The following ANKS1B variants were observed in gnomAD, a reference collection of about 807,000 sequenced individuals.
The protein encoded by ANKS1B is ankyrin repeat and sterile alpha motif domain containing 1B.
A neutral mutation model predicts 148.3 loss-of-function variants in ANKS1B; 36 were observed. The observed-to-expected ratio is 0.24, with a 90% CI of 0.19 to 0.32. The LOEUF is 0.32. Ranked by LOEUF, ANKS1B falls within the 10% of genes least tolerant of loss-of-function variation. ANKS1B has a pLI of 1.00. For missense variants in ANKS1B, 1,157 were observed against 1,542.6 expected (o/e 0.75, Z 4.19); for synonymous variants, 542 against 560.8 (o/e 0.97, Z 0.47).
chr12:99,205,495 G>A (rs1377010814), intron 14 of ANKS1B, among the ~76,000 whole-genome samples: 1 of 152,160 alleles, frequency 6.6e-6, no homozygotes, highest in Admixed American at 6.5e-5. Flanking sequence ...GGACCCAAAT[G>A]ACACTGCTGA....
At chr12:99,366,751 G>A (rs1026755026) in intron 12 of ANKS1B, among the ~76,000 whole-genome samples, 10 of 152,060 alleles carry the variant, frequency 6.6e-5, no homozygotes, top group African/African-American at 2.2e-4. Flanking sequence ...GGAAAACACA[G>A]TGAAATCCCT....
At chr12:99,473,243 T>A (rs542798415) in intron 10 of ANKS1B, among the ~76,000 whole-genome samples, 3 of 152,186 alleles carry the variant, frequency 2.0e-5, no homozygotes, top group South Asian at 4.1e-4. Context: ...GACTCCTTTT[T>A]TTCATTTAAC....
intron 12 of ANKS1B, among the ~76,000 whole-genome samples, chr12:99,278,366 C>A (rs935327988): frequency 6.6e-5 from 10 of 152,204 alleles, no homozygotes; most frequent in African/African-American, 2.2e-4. Flanking sequence ...GTGTCCAGGT[C>A]CCATCATTTG....
chr12:98,820,430 A>C (rs1017237872), intron 19 of ANKS1B, among the ~76,000 whole-genome samples: 2 of 152,326 alleles, frequency 1.3e-5, no homozygotes, highest in South Asian at 4.1e-4. Flanking sequence ...TTCCCTAAAA[A>C]ACTGGAGACC....
chr12:98,997,255 G>A (rs1199287981), intron 17 of ANKS1B, among the ~76,000 whole-genome samples: 1 of 152,092 alleles, frequency 6.6e-6, no homozygotes, highest in Non-Finnish European at 1.5e-5. Flanking sequence ...CCAGGATTGG[G>A]CAGGTAGAAG....
intron 1 of ANKS1B, among the ~76,000 whole-genome samples, chr12:99,980,155 TG>T (rs1475323482): frequency 1.3e-5 from 2 of 151,032 alleles, no homozygotes; most frequent in African/African-American, 4.9e-5. Flanking sequence ...CACAGGTCAT[TG>T]AAAAAAAAAA....
At chr12:98,797,408 A>G (rs1185035952) in intron 22 of ANKS1B, among the ~76,000 whole-genome samples, 1 of 152,192 alleles carries the variant, frequency 6.6e-6, no homozygotes, top group African/African-American at 2.4e-5. Flanking sequence ...TTCGTCTGTA[A>G]AATGGGGACA....
chr12:98,836,112 C>T (rs1237817983), intron 17 of ANKS1B, among the ~76,000 whole-genome samples: 1 of 152,174 alleles, frequency 6.6e-6, no homozygotes, highest in Non-Finnish European at 1.5e-5. Flanking sequence ...CCCTTCACTA[C>T]TCTCCTTGCT....
intron 9 of ANKS1B, chr12:99,649,159 T>G: frequency 1.3e-6 from 1 of 756,010 alleles, no homozygotes; most frequent in Non-Finnish European, 2.3e-6. Context: ...CAATTGCCAC[T>G]TATATACATT....
At chr12:99,170,495 C>T (rs182288225) in intron 14 of ANKS1B, among the ~76,000 whole-genome samples, 9 of 152,210 alleles carry the variant, frequency 5.9e-5, no homozygotes, top group African/African-American at 1.9e-4. Flanking sequence ...TGAAATAGCA[C>T]GTGAAAAAAG....
chr12:99,850,281 G>GTCTCTCCCTC (rs57015094), intron 1 of ANKS1B, among the ~76,000 whole-genome samples: 4,295 of 114,186 alleles, frequency 0.038, 350 homozygotes, highest in African/African-American at 0.089. Flanking sequence ...AAGCAAGAAA[G>GTCTCTCCCTC]TCTCTCTCTC....
At chr12:99,015,445 C>T (rs1476182517) in intron 17 of ANKS1B, among the ~76,000 whole-genome samples, 1 of 152,114 alleles carries the variant, frequency 6.6e-6, no homozygotes, top group Non-Finnish European at 1.5e-5. Flanking sequence ...ATGAAATAAT[C>T]TGTATGATAA....
At chr12:98,820,946 G>A (rs2099184189) in intron 19 of ANKS1B, among the ~76,000 whole-genome samples, 1 of 152,232 alleles carries the variant, frequency 6.6e-6, no homozygotes, top group Admixed American at 6.5e-5. Context: ...AAAGCATAAT[G>A]TAGAAGAAAA....
Position 99,426,293 on chromosome 12 carries a change from T to C in ANKS1B, c.1575+17380A>G, listed in dbSNP as rs2095253331. Among the ~76,000 whole-genome samples, 4 of 152,284 alleles carry C rather than the reference T, an allele frequency of 2.6e-5. 1 individual carries two copies. The South Asian group carries it at 6.2e-4, about 24-fold the overall frequency. On this transcript the variant is annotated intron_variant, in intron 11 of 26. Coordinates refer to ENST00000683438, the MANE Select transcript of ANKS1B (RefSeq NM_001352186.2). Reference sequence around the variant, plus strand: ...ATTATTTCATGTATAATTGCAATTATTATGTAGATATCCGTTTGTGTTGAT... The same window carrying C: ...ATTATTTCATGTATAATTGCAATTACTATGTAGATATCCGTTTGTGTTGAT...
chr12:99,970,253 A>G (rs915248542), intron 1 of ANKS1B, among the ~76,000 whole-genome samples: 5 of 152,148 alleles, frequency 3.3e-5, no homozygotes, highest in Non-Finnish European at 7.4e-5. Context: ...GGTGCTTCTG[A>G]TGGAGGACAT....
At chr12:98,867,322 C>T (rs2099629752) in intron 17 of ANKS1B, among the ~76,000 whole-genome samples, 1 of 152,146 alleles carries the variant, frequency 6.6e-6, no homozygotes, top group Non-Finnish European at 1.5e-5. Context: ...CAGTGCGAGG[C>T]CATCTTCAAA....
chr12:99,463,556 T>C (rs12297068), intron 10 of ANKS1B, among the ~76,000 whole-genome samples: 7,587 of 152,216 alleles, frequency 0.05, 646 homozygotes, highest in African/African-American at 0.17. Flanking sequence ...GGGTGACAGA[T>C]GGCACCTGGA....
At chr12:99,267,561 A>T (rs1008790553) in intron 12 of ANKS1B, among the ~76,000 whole-genome samples, 1 of 151,504 alleles carries the variant, frequency 6.6e-6, no homozygotes, top group African/African-American at 2.4e-5. Flanking sequence ...ATTTGGCTGT[A>T]CATTCATTCA....
intron 17 of ANKS1B, among the ~76,000 whole-genome samples, chr12:98,860,155 A>G (rs1049042150): frequency 9.2e-5 from 14 of 152,228 alleles, no homozygotes; most frequent in African/African-American, 1.2e-4. Flanking sequence ...TTAAAAACCT[A>G]TATGTTTTCA....
Sources: allele counts gnomAD v4.1 joint callset (sites outside exome capture counted in the v4.1 genomes callset), GRCh38; gene constraint gnomAD v4.1.1; transcripts MANE v1.5; gene names NCBI Gene and HGNC (gene_info 2026-07-23, HGNC 2026-07-21).